The following ANK2 variants were observed in gnomAD, a reference collection of about 807,000 sequenced individuals.
The protein encoded by ANK2 is ankyrin-2.
Under a neutral mutation model 360.5 loss-of-function variants are expected in ANK2, and 83 were observed. The observed-to-expected ratio is 0.23, with a 90% CI of 0.19 to 0.28. ANK2 has a LOEUF of 0.28. Ranked by LOEUF, ANK2 falls within the 10% of genes least tolerant of loss-of-function variation. The probability of loss-of-function intolerance (pLI) is 1.00; values close to 1 mark genes in which losing one functional copy is unlikely to be tolerated. For missense variants in ANK2, 4,201 were observed against 4,795.7 expected (o/e 0.88, Z 3.66); for synonymous variants, 1,740 against 1,759.5 (o/e 0.99, Z 0.28).
At chr4:112,826,519 T>C (rs1220075425) in intron 1 of ANK2, 1 of 1,263,064 alleles carries the variant, frequency 7.9e-7, no homozygotes, top group East Asian at 2.3e-5. Flanking sequence ...AAGCCTGTTA[T>C]TGGCACTCCA....
At chr4:112,850,080 A>AC (rs970558600) in intron 1 of ANK2, among the ~76,000 whole-genome samples, 1 of 151,848 alleles carries the variant, frequency 6.6e-6, no homozygotes, top group African/African-American at 2.4e-5. Context: ...TGGATCCCTT[A>AC]CCCCCACTTT....
chr4:112,729,537 C>G, the ANK2 span, among the ~76,000 whole-genome samples: 1 of 152,002 alleles, frequency 6.6e-6, no homozygotes, highest in African/African-American at 2.4e-5. Flanking sequence ...AGGTGGATCA[C>G]CTGAGGTCAG....
At chr4:113,046,100 C>T (rs939735770), upstream of ANK2, among the ~76,000 whole-genome samples, 24 of 152,018 alleles carry the variant, frequency 1.6e-4, no homozygotes, top group African/African-American at 4.8e-4. Flanking sequence ...CAGACAGGCA[C>T]AAGGAAATTG....
At chr4:113,249,899 C>T in intron 10 of ANK2, 37 bp downstream of exon 10, 1 of 1,544,896 alleles carries the variant, frequency 6.5e-7, no homozygotes. Flanking sequence ...CCTAAGAAAT[C>T]TTTAAGTTAC....
rs1370350368 is a variant in ANK2 at position 113,367,939 on chromosome 4, T to C, written c.11318+88T>C. On this transcript the variant is annotated intron_variant, in intron 42 of 45. Coordinates refer to ENST00000357077, the MANE Select transcript of ANK2 (RefSeq NM_001148.6). Reference sequence around the variant, plus strand: ...GGCATATATAAGCATAACTAGTTTTTAAATACTTTTTAAAATGACCCTACC... The same window carrying C: ...GGCATATATAAGCATAACTAGTTTTCAAATACTTTTTAAAATGACCCTACC... 4.6e-5 allele frequency: 69 copies of C among 1,502,836 alleles called. No individual in the cohort carries two copies. In the East Asian group the frequency reaches 1.6e-3, roughly 34 times the overall value. The allele number at this position is 1,502,836 out of a possible 1,614,324, so 93.1% of individuals were successfully genotyped here.
intron 2 of ANK2, among the ~76,000 whole-genome samples, chr4:113,184,393 G>A (rs1443280691): frequency 6.6e-6 from 1 of 152,004 alleles, no homozygotes; most frequent in African/African-American, 2.4e-5. Flanking sequence ...TGACTTTGTG[G>A]AAACTATCTG....
the ANK2 span, among the ~76,000 whole-genome samples, chr4:112,776,078 A>G: frequency 4.6e-5 from 7 of 152,132 alleles, no homozygotes; most frequent in African/African-American, 1.7e-4. Context: ...GAAGAGAACT[A>G]AGGGTAGGAT....
intron 1 of ANK2, among the ~76,000 whole-genome samples, chr4:113,158,250 T>C (rs189669510): frequency 6.6e-6 from 1 of 152,316 alleles, no homozygotes; most frequent in East Asian, 1.9e-4. Context: ...AATGAAGAAT[T>C]GCCTTGCTTG....
At chr4:112,904,865 G>A (rs1992887) in intron 2 of ANK2, among the ~76,000 whole-genome samples, 1 of 152,016 alleles carries the variant, frequency 6.6e-6, no homozygotes, top group Non-Finnish European at 1.5e-5. Flanking sequence ...TTTTCTCTAA[G>A]GGCTTATGAA....
chr4:112,779,460 G>A, the ANK2 span, among the ~76,000 whole-genome samples: 1 of 152,108 alleles, frequency 6.6e-6, no homozygotes, highest in Non-Finnish European at 1.5e-5. Flanking sequence ...CGGAGCTCGT[G>A]GTGAGCCAAG....
intron 1 of ANK2, among the ~76,000 whole-genome samples, chr4:112,861,770 T>C (rs895763): frequency 0.53 from 81,011 of 151,644 alleles, 22,709 homozygotes; most frequent in East Asian, 0.81. Context: ...TTATAATAAA[T>C]ATGAATTGCA....
intron 2 of ANK2, among the ~76,000 whole-genome samples, chr4:113,003,022 C>T (rs2051386256): frequency 6.6e-6 from 1 of 152,220 alleles, no homozygotes; most frequent in African/African-American, 2.4e-5. Flanking sequence ...GGTTCACTCC[C>T]ACAGCCTGTT....
intron 22 of ANK2, among the ~76,000 whole-genome samples, 182 bp downstream of exon 22, chr4:113,293,720 C>T (rs1335111515): frequency 6.6e-6 from 1 of 152,244 alleles, no homozygotes; most frequent in East Asian, 1.9e-4. Flanking sequence ...ACAAGGAATA[C>T]AGGGCTTCGG....
chr4:113,185,521 A>C (rs1214584616), intron 2 of ANK2, among the ~76,000 whole-genome samples: 3 of 152,314 alleles, frequency 2.0e-5, no homozygotes, highest in Non-Finnish European at 4.4e-5. Flanking sequence ...TCTTTTGAGA[A>C]GTGTCTGTTC....
chr4:113,037,710 G>A (rs1337897210), intron 2 of ANK2, among the ~76,000 whole-genome samples: 2 of 151,878 alleles, frequency 1.3e-5, no homozygotes, highest in Non-Finnish European at 2.9e-5. Context: ...TTTGTTCTTG[G>A]TAGTTAAGCA....
chr4:113,278,312 G>C, intron 16 of ANK2, 148 bp from the exon 17 acceptor site: 1 of 719,846 alleles, frequency 1.4e-6, no homozygotes, highest in Non-Finnish European at 2.4e-6. Context: ...AAAATTATTA[G>C]GGATTTGTTT....
intron 1 of ANK2, among the ~76,000 whole-genome samples, chr4:112,846,989 T>A (rs1486539935): frequency 6.6e-6 from 1 of 152,202 alleles, no homozygotes; most frequent in Non-Finnish European, 1.5e-5. Context: ...TACACAACAG[T>A]TGTGCTGAAA....
At chr4:113,012,467 G>T (rs1337379679) in intron 2 of ANK2, among the ~76,000 whole-genome samples, 1 of 152,084 alleles carries the variant, frequency 6.6e-6, no homozygotes, top group Admixed American at 6.5e-5. Flanking sequence ...TCTGGTTTAA[G>T]CATTTGTGAT....
chr4:112,868,600 A>G (rs1240234582), intron 1 of ANK2, among the ~76,000 whole-genome samples: 1 of 152,248 alleles, frequency 6.6e-6, no homozygotes, highest in African/African-American at 2.4e-5. Flanking sequence ...TAAGCTTTGG[A>G]GGAGATATTC....
Sources: allele counts gnomAD v4.1 joint callset (sites outside exome capture counted in the v4.1 genomes callset), GRCh38; gene constraint gnomAD v4.1.1; transcripts MANE v1.5; gene names NCBI Gene and HGNC (gene_info 2026-07-23, HGNC 2026-07-21).